Variants in ANO6 observed in about 807,000 individuals in gnomAD.
ANO6 encodes anoctamin-6.
A neutral mutation model predicts 117.5 loss-of-function variants in ANO6; 106 were observed. The observed-to-expected ratio is 0.90, with a 90% CI of 0.77 to 1.06. ANO6 has a LOEUF of 1.06. Among genes scored for constraint, ANO6 ranks in the 50% least tolerant of loss-of-function variants. ANO6 has a pLI of 0.00. For missense variants in ANO6, 955 were observed against 1,121.1 expected, an observed-to-expected ratio of 0.85 and a Z score of 2.12; for synonymous variants, 367 against 385.1, an observed-to-expected ratio of 0.95 and a Z score of 0.55.
At chr12:45,251,074 A>G (rs1368958060) in intron 1 of ANO6, among the ~76,000 whole-genome samples, 6 of 151,978 alleles carry the variant, frequency 3.9e-5, no homozygotes, top group African/African-American at 1.4e-4. Flanking sequence ...CAAAAAAAAA[A>G]GGAAAAAAAA....
In ANO6 at chr12:45,429,207, C is replaced by A; in HGVS notation, c.2629C>A (p.Leu877Ile). 1 of 1,613,932 alleles carries A rather than the reference C, an allele frequency of 6.2e-7. No homozygotes were observed. The highest frequency in any genetic ancestry group is 8.5e-7 in the Non-Finnish European group (1 of 1,179,936). Residue 877 changes from leucine (L) to isoleucine (I), a missense_variant, in exon 20 of 20, where the codon CTT (leucine) becomes ATT (isoleucine). Coordinates refer to ENST00000320560, the MANE Select transcript of ANO6 (RefSeq NM_001025356.3). ...GAGAGAAAAATACCTAACCCAAAAG[C>A]TTCTTCATGAGAATCACCTCAAAGA... ...IQREKYLTQKLLHENHLKDMT... is the reference protein window; with the variant it reads ...IQREKYLTQKILHENHLKDMT...
intron 1 of ANO6, among the ~76,000 whole-genome samples, chr12:45,230,112 G>C (rs1326173059): frequency 1.3e-5 from 2 of 152,062 alleles, no homozygotes; most frequent in Non-Finnish European, 2.9e-5. Context: ...CCCCAAGGCT[G>C]TTCCTTCCAC....
intron 1 of ANO6, among the ~76,000 whole-genome samples, chr12:45,250,830 A>G (rs938711135): frequency 1.1e-4 from 16 of 151,496 alleles, no homozygotes; most frequent in Admixed American, 8.6e-4. Context: ...AACTCCTGGG[A>G]TCAAGCAATC....
chr12:45,285,466 G>A (rs969098854), intron 1 of ANO6, among the ~76,000 whole-genome samples: 1 of 152,274 alleles, frequency 6.6e-6, no homozygotes, highest in South Asian at 2.1e-4. Flanking sequence ...TACCGAGGCC[G>A]GGGGCGGTGG....
chr12:45,281,468 C>T (rs747602236), intron 1 of ANO6, among the ~76,000 whole-genome samples: 19 of 152,204 alleles, frequency 1.2e-4, no homozygotes, highest in Non-Finnish European at 2.6e-4. Flanking sequence ...AGGAGGGCCT[C>T]AGGGAGCTTA....
intron 17 of ANO6, 68 bp from the exon 18 acceptor site, chr12:45,421,003 G>C: frequency 1.3e-6 from 2 of 1,532,316 alleles, no homozygotes; most frequent in Non-Finnish European, 1.8e-6. Flanking sequence ...TGGGCAGCAA[G>C]AGCGAGACTC....
At chr12:45,293,743 T>TG (rs796901736) in intron 1 of ANO6, among the ~76,000 whole-genome samples, 2 of 137,712 alleles carry the variant, frequency 1.5e-5, no homozygotes, top group African/African-American at 5.5e-5. Context: ...TTTTTTTTTT[T>TG]TTTTTTTTTT....
chr12:45,316,123 A>T (rs978461256), intron 2 of ANO6, among the ~76,000 whole-genome samples: 1 of 152,122 alleles, frequency 6.6e-6, no homozygotes, highest in African/African-American at 2.4e-5. Context: ...ATGTCACAGG[A>T]TAAAGGGTTA....
intron 1 of ANO6, among the ~76,000 whole-genome samples, chr12:45,259,021 G>A (rs981314095): frequency 8.5e-5 from 13 of 152,142 alleles, no homozygotes; most frequent in South Asian, 2.1e-4. Context: ...GGTGGATTAG[G>A]GTGATGGGTT....
At chr12:45,383,035 T>C (rs895319564) in intron 10 of ANO6, among the ~76,000 whole-genome samples, 18 of 152,142 alleles carry the variant, frequency 1.2e-4, no homozygotes. Flanking sequence ...ATTTTACCCA[T>C]AGTAGAACTT....
intron 7 of ANO6, among the ~76,000 whole-genome samples, chr12:45,356,397 CACAT>C (rs1342579211): frequency 6.6e-6 from 1 of 152,138 alleles, no homozygotes; most frequent in Non-Finnish European, 1.5e-5. Context: ...CACCCGCACA[CACAT>C]ACAGTCGAAA....
rs1939518179 is a variant in ANO6 at position 45,302,224 on chromosome 12, CTG to C, written c.150+134_150+135del. 5 of 822,912 alleles carry C rather than the reference CTG, an allele frequency of 6.1e-6. No homozygotes were observed. In the South Asian group the frequency reaches 7.3e-5, roughly 12 times the overall value. The allele number at this position is 822,912 out of a possible 1,614,324, so 51.0% of individuals were successfully genotyped here. A position where few individuals can be genotyped will look rare whatever the true frequency, so the allele number is the denominator to read the frequency against. On this transcript the variant is annotated intron_variant, in intron 2 of 19. Coordinates refer to ENST00000320560, the MANE Select transcript of ANO6 (RefSeq NM_001025356.3). ...TCCTACATAGATCTTATTGCAGGGA[CTG>C]TGCGTTCAGAGCTCTGGTGTCTCTT...
chr12:45,314,029 G>C (rs1318874975), intron 2 of ANO6, among the ~76,000 whole-genome samples: 2 of 152,056 alleles, frequency 1.3e-5, no homozygotes, highest in Non-Finnish European at 2.9e-5. Flanking sequence ...TTGTCTGACA[G>C]TGTTAGTCGT....
intron 1 of ANO6, among the ~76,000 whole-genome samples, chr12:45,274,974 A>G (rs1938507071): frequency 6.6e-6 from 1 of 151,406 alleles, no homozygotes; most frequent in Non-Finnish European, 1.5e-5. Context: ...TCTTCAAAAC[A>G]TTTATCTCCA....
intron 1 of ANO6, among the ~76,000 whole-genome samples, chr12:45,260,970 GTTTGT>G (rs200869023): frequency 6.8e-5 from 10 of 147,328 alleles, no homozygotes; most frequent in African/African-American, 1.7e-4. Flanking sequence ...TTGTTTGTTT[GTTTGT>G]TTTGTTTTGT....
intron 5 of ANO6, 94 bp downstream of exon 5, chr12:45,348,409 A>C (rs1941198707): frequency 6.3e-7 from 1 of 1,579,256 alleles, no homozygotes; most frequent in Non-Finnish European, 8.7e-7. Flanking sequence ...TAAAAACTGC[A>C]CAAAAAGAAA....
intron 10 of ANO6, among the ~76,000 whole-genome samples, chr12:45,385,611 G>T (rs780207932): frequency 6.6e-6 from 1 of 152,022 alleles, no homozygotes; most frequent in Non-Finnish European, 1.5e-5. Context: ...GGCTCAGCTG[G>T]GCACCAAGAC....
rs1943623299 is a variant in ANO6 at position 45,431,157 on chromosome 12, A to G, written c.*1846A>G. 4.1e-6 allele frequency: 4 copies of G among 985,258 alleles called. No individual in the cohort carries two copies. The highest frequency in any genetic ancestry group is 1.1e-4 in the East Asian group (1 of 8,814). 61.0% of individuals were successfully genotyped at this position (985,258 alleles called of 1,614,324 possible). Reference sequence around the variant, plus strand: ...CTCTCTTGATCGTGTTAATGATGCAATCAGAGTTCAAGACAGGCCCCATGA... The same window carrying G: ...CTCTCTTGATCGTGTTAATGATGCAGTCAGAGTTCAAGACAGGCCCCATGA... On this transcript the variant is annotated 3_prime_UTR_variant, in exon 20 of 20. Transcript: ENST00000320560.
At chr12:45,292,751 G>A in intron 1 of ANO6, 1 of 1,421,922 alleles carries the variant, frequency 7.0e-7, no homozygotes, top group Non-Finnish European at 9.3e-7. Flanking sequence ...CACCAAACAT[G>A]GAAATGTTAC....
Sources: gnomAD v4.1 joint callset for allele counts (sites outside exome capture counted in the v4.1 genomes callset) on GRCh38, gnomAD v4.1.1 for gene constraint, MANE v1.5 for transcripts, NCBI Gene and HGNC (gene_info 2026-07-23, HGNC 2026-07-21) for gene names.